The following GPR158 variants were observed in gnomAD, a reference collection of about 807,000 sequenced individuals.
GPR158 encodes metabotropic glycine receptor.
A neutral mutation model predicts 78.2 loss-of-function variants in GPR158; 30 were observed. The observed-to-expected ratio is 0.38, with a 90% CI of 0.29 to 0.52. GPR158 has a LOEUF of 0.52. Among genes scored for constraint, GPR158 ranks in the 20% least tolerant of loss-of-function variants. The pLI, the probability that GPR158 is intolerant of heterozygous loss-of-function variation, is 0.83. For synonymous variants in GPR158, 581 were observed against 591.1 expected (o/e 0.98, Z 0.25); for missense variants, 1,463 against 1,523.5 (o/e 0.96, Z 0.66).
At position 25,187,113 on chromosome 10, in the gene GPR158, C is replaced by T. The variant is rs139548415; in HGVS notation, c.902+10791C>T. On this transcript the variant is annotated intron_variant, in intron 1 of 10. Transcript: ENST00000376351. ...CCGAGTATCTAGGACTACAGGCGCC[C>T]GCCATCACGCCCGGCTATTTTTTTT... Among the ~76,000 whole-genome samples the T allele has an allele frequency of 5.3e-3, 809 of 151,994 alleles. 8 individuals carry two copies. The highest frequency in any genetic ancestry group is 0.028 in the South Asian group (134 of 4,804).
At chr10:25,561,903 C>G (rs1836865247) in intron 6 of GPR158, among the ~76,000 whole-genome samples, 3 of 152,086 alleles carry the variant, frequency 2.0e-5, no homozygotes, top group African/African-American at 7.2e-5. Flanking sequence ...GAAATTAGTG[C>G]AGAACCCAGG....
At chr10:25,419,223 C>T (rs543028734) in intron 4 of GPR158, among the ~76,000 whole-genome samples, 63 of 152,040 alleles carry the variant, frequency 4.1e-4, no homozygotes, top group African/African-American at 1.5e-3. Context: ...ATGTTTATGC[C>T]TTCTATAAGT....
intron 3 of GPR158, among the ~76,000 whole-genome samples, chr10:25,407,699 A>C (rs1278135013): frequency 6.6e-6 from 1 of 152,140 alleles, no homozygotes; most frequent in Non-Finnish European, 1.5e-5. Context: ...ATGATAACCA[A>C]GTCATCTAAA....
intron 5 of GPR158, among the ~76,000 whole-genome samples, chr10:25,509,318 C>T (rs1242988858): frequency 6.6e-6 from 1 of 152,186 alleles, no homozygotes; most frequent in Non-Finnish European, 1.5e-5. Context: ...ACTTCGTGCG[C>T]AGGGTTGTTT....
chr10:25,223,315 A>G (rs1048309147), intron 2 of GPR158, among the ~76,000 whole-genome samples: 1 of 152,152 alleles, frequency 6.6e-6, no homozygotes, highest in African/African-American at 2.4e-5. Flanking sequence ...GCCCCCTTTC[A>G]TTGCCCAGGT....
chr10:25,314,948 T>A (rs1854827777), intron 2 of GPR158, among the ~76,000 whole-genome samples: 1 of 148,818 alleles, frequency 6.7e-6, no homozygotes, highest in Non-Finnish European at 1.5e-5. Context: ...AGGAAGGACA[T>A]TTTGTATATT....
intron 5 of GPR158, among the ~76,000 whole-genome samples, chr10:25,512,444 G>A (rs1473268373): frequency 6.6e-6 from 1 of 152,098 alleles, no homozygotes; most frequent in African/African-American, 2.4e-5. Flanking sequence ...TGAGTCTTAA[G>A]GGTTTTCTTT....
chr10:25,479,887 T>C (rs2130634801), intron 5 of GPR158, among the ~76,000 whole-genome samples: 1 of 152,258 alleles, frequency 6.6e-6, no homozygotes, highest in East Asian at 1.9e-4. Flanking sequence ...TTATATATCT[T>C]TGTCCTTTCC....
intron 2 of GPR158, among the ~76,000 whole-genome samples, chr10:25,312,597 G>A (rs1390002337): frequency 6.6e-6 from 1 of 152,068 alleles, no homozygotes; most frequent in Non-Finnish European, 1.5e-5. Context: ...TGAAATAAAT[G>A]CTAATTCAGC....
chr10:25,189,559 T>A lies in GPR158; in HGVS notation c.902+13237T>A, dbSNP rs1852740774. On this transcript the variant is annotated intron_variant, in intron 1 of 10. Transcript: ENST00000376351. ...GGATAGAAAACCAAACACCACACAT[T>A]CTCACTCATAGGTGGGAGTTGAACA... is the stretch of plus-strand genomic sequence containing the variant. 2.0e-5 allele frequency among the ~76,000 whole-genome samples: 3 copies of A among 151,340 alleles called. No homozygotes were observed. The South Asian group carries it at 6.2e-4, about 32-fold the overall frequency.
intron 8 of GPR158, among the ~76,000 whole-genome samples, chr10:25,589,867 G>C (rs1254180308): frequency 6.6e-6 from 1 of 152,136 alleles, no homozygotes; most frequent in Non-Finnish European, 1.5e-5. Context: ...TCTCAGGGCA[G>C]AACTAAAAGA....
chr10:25,211,271 G>A (rs1276666940), intron 1 of GPR158, among the ~76,000 whole-genome samples: 1 of 152,112 alleles, frequency 6.6e-6, no homozygotes, highest in Non-Finnish European at 1.5e-5. Context: ...CGATACCTGA[G>A]ACTAGGTAAT....
intron 2 of GPR158, among the ~76,000 whole-genome samples, chr10:25,375,359 A>G (rs577174620): frequency 8.6e-5 from 13 of 151,734 alleles, no homozygotes; most frequent in Non-Finnish European, 1.8e-4. Flanking sequence ...AGAACAAAAG[A>G]TTTTAATTTT....
At chr10:25,324,265 C>A (rs1190049280) in intron 2 of GPR158, among the ~76,000 whole-genome samples, 1 of 152,194 alleles carries the variant, frequency 6.6e-6, no homozygotes, top group Non-Finnish European at 1.5e-5. Flanking sequence ...TCATTTCTTG[C>A]TTTTGATTTA....
chr10:25,305,958 C>A (rs76940544), intron 2 of GPR158, among the ~76,000 whole-genome samples: 2,624 of 152,220 alleles, frequency 0.017, 59 homozygotes, highest in African/African-American at 0.05. Context: ...AAAAACATGG[C>A]GTTAATGATT....
At chr10:25,596,262 ATGAT>A in intron 9 of GPR158, among the ~76,000 whole-genome samples, 1 of 152,306 alleles carries the variant, frequency 6.6e-6, no homozygotes, top group Admixed American at 6.5e-5. Flanking sequence ...CAGGAACTCT[ATGAT>A]ATTCACGATT....
At chr10:25,234,296 C>T (rs28696908) in intron 2 of GPR158, among the ~76,000 whole-genome samples, 65 of 152,258 alleles carry the variant, frequency 4.3e-4, no homozygotes, top group African/African-American at 1.6e-3. Context: ...CCTTAGACCC[C>T]GCTGAATTCT....
At position 25,599,307 on chromosome 10, in the gene GPR158, C is replaced by T. The variant is rs1246446751; in HGVS notation, c.*33C>T. On this transcript the variant is annotated 3_prime_UTR_variant, in exon 11 of 11. Coordinates refer to ENST00000376351, the MANE Select transcript of GPR158 (RefSeq NM_020752.3). The stretch of plus-strand genomic sequence containing the variant: ...AGGAAGAAGAGGAAAAGGAGGGAAC[C>T]CCGGATTGGATATGAGACAGAAGAT... The T allele has an allele frequency of 6.8e-7, 1 of 1,468,212 alleles. No individual in the cohort carries two copies. Among genetic ancestry groups the T allele is most frequent in the Non-Finnish European group, 9.4e-7 (1 of 1,067,704 alleles). 90.9% of individuals were successfully genotyped at this position (1,468,212 alleles called of 1,614,324 possible).
At chr10:25,219,103 G>A (rs1588741320) in intron 1 of GPR158, among the ~76,000 whole-genome samples, 1 of 152,264 alleles carries the variant, frequency 6.6e-6, no homozygotes, top group South Asian at 2.1e-4. Flanking sequence ...TAACTTTGGT[G>A]GAACCTACTT....
Sources: gnomAD v4.1 joint callset for allele counts (sites outside exome capture counted in the v4.1 genomes callset) on GRCh38, gnomAD v4.1.1 for gene constraint, MANE v1.5 for transcripts, NCBI Gene and HGNC (gene_info 2026-07-23, HGNC 2026-07-21) for gene names.